The following NEGR1 variants were observed in gnomAD, a reference collection of about 807,000 sequenced individuals.
NEGR1 encodes the protein neuronal growth regulator 1, also known as IgLON family member 4.
In NEGR1, 10 loss-of-function variants were observed where a neutral mutation model predicts 40.9. That is an observed-to-expected ratio of 0.24 (90% CI 0.15 to 0.42). The LOEUF is 0.42. Ranked by LOEUF, NEGR1 falls within the 10% of genes least tolerant of loss-of-function variation. The pLI, the probability that NEGR1 is intolerant of heterozygous loss-of-function variation, is 1.00. For synonymous variants in NEGR1, 185 were observed against 166.8 expected (o/e 1.11, Z -0.84); for missense variants, 352 against 438.9 (o/e 0.80, Z 1.77).
intron 1 of NEGR1, among the ~76,000 whole-genome samples, chr1:72,247,583 C>T (rs1031577149): frequency 5.3e-5 from 8 of 152,174 alleles, no homozygotes; most frequent in African/African-American, 1.7e-4. Flanking sequence ...CCAATAACTT[C>T]CTCATTTCTG....
At chr1:72,123,348 G>GA (rs974563065) in intron 1 of NEGR1, among the ~76,000 whole-genome samples, 59 of 147,538 alleles carry the variant, frequency 4.0e-4, no homozygotes, top group East Asian at 7.9e-4. Context: ...CATGTAGAAA[G>GA]AAAAAAAAAA....
intron 6 of NEGR1, among the ~76,000 whole-genome samples, chr1:71,572,540 G>A (rs962373913): frequency 1.3e-5 from 2 of 152,142 alleles, no homozygotes; most frequent in African/African-American, 4.8e-5. Context: ...CAATTGCTAG[G>A]CATTTTATAT....
intron 3 of NEGR1, among the ~76,000 whole-genome samples, chr1:71,722,146 A>G (rs1266503738): frequency 6.6e-6 from 1 of 152,096 alleles, no homozygotes; most frequent in Non-Finnish European, 1.5e-5. Flanking sequence ...TCTGGAGAAT[A>G]GATTGAGGAG....
intron 1 of NEGR1, among the ~76,000 whole-genome samples, chr1:72,262,655 T>C (rs1190000144): frequency 6.6e-6 from 1 of 151,966 alleles, no homozygotes; most frequent in Non-Finnish European, 1.5e-5. Flanking sequence ...CAAAGAGGTT[T>C]ATAAATATCA....
chr1:72,253,619 A>G (rs1260691318), intron 1 of NEGR1, among the ~76,000 whole-genome samples: 1 of 152,218 alleles, frequency 6.6e-6, no homozygotes, highest in African/African-American at 2.4e-5. Context: ...TAAATGCTGG[A>G]ATACTGTTAC....
intron 1 of NEGR1, among the ~76,000 whole-genome samples, chr1:72,240,649 C>T (rs1174901282): frequency 6.6e-6 from 1 of 151,824 alleles, no homozygotes; most frequent in African/African-American, 2.4e-5. Context: ...ATGATCATGA[C>T]AACAGTGTTT....
intron 1 of NEGR1, among the ~76,000 whole-genome samples, chr1:71,947,266 T>G (rs2100264504): frequency 6.6e-6 from 1 of 151,608 alleles, no homozygotes; most frequent in South Asian, 2.1e-4. Flanking sequence ...AAAAACTTTC[T>G]TACTCAAATG....
intron 6 of NEGR1, among the ~76,000 whole-genome samples, chr1:71,576,159 T>G (rs780794808): frequency 1.6e-3 from 244 of 152,116 alleles, no homozygotes; most frequent in Non-Finnish European, 2.9e-3. Context: ...GCCCATAGAG[T>G]TATCTAAGGA....
intron 1 of NEGR1, among the ~76,000 whole-genome samples, chr1:72,011,508 A>G (rs1646656995): frequency 6.6e-6 from 1 of 152,160 alleles, no homozygotes; most frequent in South Asian, 2.1e-4. Context: ...TATTTCCAAC[A>G]TTTAGTGAGG....
At chr1:71,853,716 T>G (rs540238643) in intron 2 of NEGR1, among the ~76,000 whole-genome samples, 2 of 152,208 alleles carry the variant, frequency 1.3e-5, no homozygotes, top group South Asian at 2.1e-4. Context: ...CCAGAAAGGG[T>G]CAAGAGACAG....
At chr1:71,759,219 T>C (rs1655849267) in intron 3 of NEGR1, among the ~76,000 whole-genome samples, 1 of 149,600 alleles carries the variant, frequency 6.7e-6, no homozygotes, top group Non-Finnish European at 1.5e-5. Flanking sequence ...ATCTGTAGAA[T>C]CCCACCTCAG....
At chr1:72,085,299 A>G (rs1424243925) in intron 1 of NEGR1, among the ~76,000 whole-genome samples, 1 of 152,234 alleles carries the variant, frequency 6.6e-6, no homozygotes, top group East Asian at 1.9e-4. Context: ...TTAGTTCTGC[A>G]GGAAAAAGTC....
At chr1:72,191,570 T>C (rs1291576400) in intron 1 of NEGR1, among the ~76,000 whole-genome samples, 1 of 151,858 alleles carries the variant, frequency 6.6e-6, no homozygotes, top group Non-Finnish European at 1.5e-5. Context: ...ATAGGGTATG[T>C]GTATACTTCA....
intron 6 of NEGR1, among the ~76,000 whole-genome samples, chr1:71,538,832 A>G (rs536848007): frequency 5.3e-5 from 8 of 151,894 alleles, no homozygotes; most frequent in African/African-American, 1.7e-4. Context: ...ACTGTCTAAT[A>G]CAGACAGCAC....
chr1:71,680,158 C>A (rs915665800), intron 4 of NEGR1, among the ~76,000 whole-genome samples: 4 of 151,796 alleles, frequency 2.6e-5, no homozygotes, highest in African/African-American at 7.2e-5. Flanking sequence ...CTTTTTATTT[C>A]TTTTTAAAAA....
At chr1:71,683,501 T>C (rs886146892) in intron 4 of NEGR1, among the ~76,000 whole-genome samples, 1 of 141,874 alleles carries the variant, frequency 7.0e-6, no homozygotes, top group Admixed American at 6.9e-5. Flanking sequence ...GGAAATTGTA[T>C]CCAGCATCTT....
At chr1:71,442,953 A>C (rs1398610562) in intron 6 of NEGR1, among the ~76,000 whole-genome samples, 2 of 152,152 alleles carry the variant, frequency 1.3e-5, no homozygotes, top group Non-Finnish European at 2.9e-5. Flanking sequence ...TAGTGTGTTT[A>C]GGTTACTTTG....
In NEGR1 at chr1:71,597,412, T is replaced by TTATATATATATA. The variant is rs369364525; in HGVS notation, c.789-4456_789-4445dup. On this transcript the variant is annotated intron_variant, in intron 5 of 6. Transcript: ENST00000357731. ...GCCTTTCTCAAGGATGGAGTTTTAT[T>TTATATATATATA]TATATATATATATATATATGTCTCT... 9.4e-4 allele frequency among the ~76,000 whole-genome samples: 113 copies of TTATATATATATA among 120,510 alleles called. 1 individual carries two copies. Among genetic ancestry groups the TTATATATATATA allele is most frequent in the African/African-American group, 3.5e-3 (104 of 29,390 alleles). The allele number at this position is 120,510 out of a possible 152,430, so 79.1% of individuals were successfully genotyped here.
chr1:72,042,387 T>C (rs1026845545), intron 1 of NEGR1, among the ~76,000 whole-genome samples: 1 of 151,742 alleles, frequency 6.6e-6, no homozygotes, highest in Non-Finnish European at 1.5e-5. Context: ...TGAGGGAAAG[T>C]CAGAAGAATT....
Sources: gnomAD v4.1 joint callset for allele counts (sites outside exome capture counted in the v4.1 genomes callset) on GRCh38, gnomAD v4.1.1 for gene constraint, MANE v1.5 for transcripts, NCBI Gene and HGNC (gene_info 2026-07-23, HGNC 2026-07-21) for gene names.